The following WDFY4 variants were observed in gnomAD, a reference collection of about 807,000 sequenced individuals.
WDFY4 encodes the protein WDFY family member 4.
A neutral mutation model predicts 351.9 loss-of-function variants in WDFY4; 169 were observed. That is an observed-to-expected ratio of 0.48 (90% CI 0.42 to 0.55). The LOEUF (loss-of-function observed/expected upper bound fraction) is 0.55. Ranked by LOEUF, WDFY4 falls within the 20% of genes least tolerant of loss-of-function variation. The probability of loss-of-function intolerance (pLI) is 0.00; values close to 1 mark genes in which losing one functional copy is unlikely to be tolerated. For synonymous variants in WDFY4, 1,622 were observed against 1,574.6 expected (o/e 1.03, Z -0.71); for missense variants, 3,803 against 3,935.6 (o/e 0.97, Z 0.90).
In WDFY4 at chr10:48,966,413, A is replaced by G. The variant is rs1190593501; in HGVS notation, c.8437-113A>G. The G allele has an allele frequency of 1.2e-5, 15 of 1,206,246 alleles. No homozygotes were observed. In the African/African-American group the frequency reaches 1.5e-4, roughly 12 times the overall value. The allele number at this position is 1,206,246 out of a possible 1,614,324, so 74.7% of individuals were successfully genotyped here. On this transcript the variant is annotated intron_variant, in intron 54 of 61. Transcript: ENST00000325239. Reference sequence around the variant, plus strand: ...CTGTTCATGTTCAGCTCTGTCAGGAACAAGCCGAGCTGTGGCAACCCCCAG... The same window carrying G: ...CTGTTCATGTTCAGCTCTGTCAGGAGCAAGCCGAGCTGTGGCAACCCCCAG...
At chr10:48,757,121 G>T (rs1161164164) in intron 12 of WDFY4, among the ~76,000 whole-genome samples, 1 of 152,092 alleles carries the variant, frequency 6.6e-6, no homozygotes, top group East Asian at 1.9e-4. Context: ...AGCTATAAAT[G>T]ATTTAGGCAA....
At chr10:48,862,483 C>A (rs1382370296) in intron 39 of WDFY4, among the ~76,000 whole-genome samples, 17 of 152,146 alleles carry the variant, frequency 1.1e-4, no homozygotes, top group Non-Finnish European at 4.4e-5. Flanking sequence ...AGGTTGTGTT[C>A]TCCTTATGAG....
chr10:48,838,467 C>T (rs1489820424), intron 39 of WDFY4, among the ~76,000 whole-genome samples: 3 of 152,132 alleles, frequency 2.0e-5, no homozygotes, highest in Admixed American at 6.5e-5. Context: ...GCCAGTAACT[C>T]AGTGACAGCT....
chr10:48,774,458 C>G lies in WDFY4; in HGVS notation c.2554C>G (p.Leu852Val), dbSNP rs1413387579. The change falls in exon 14 of 62, where the codon CTT becomes GTT. Residue 852 changes from leucine (L) to valine (V), a missense_variant and splice_region_variant. Around this residue, in one of 3 missense-constraint regions of WDFY4, gnomAD observed 3,054 missense variants for 3,148.6 expected, o/e 0.97. Coordinates refer to ENST00000325239, the MANE Select transcript of WDFY4 (RefSeq NM_001394531.1). ...CACAGCTTGCTTTGGTCACTCTTAG[C>G]TTTCCGAGGAGATCCAGTGCTCCCT... ...PRLYHEDHPQ[L>V]SEEIQCSLAS... 6.4e-7 allele frequency: 1 copy of G among 1,551,736 alleles called. No individual in the cohort carries two copies. Among genetic ancestry groups the G allele is most frequent in the Admixed American group, 2.0e-5 (1 of 51,018 alleles).
At chr10:48,790,950 C>T (rs1445141100) in intron 23 of WDFY4, 33 bp downstream of exon 23, 7 of 1,548,588 alleles carry the variant, frequency 4.5e-6, no homozygotes, top group South Asian at 1.2e-5. Context: ...AACTGAGACT[C>T]CTGAAAGGGC....
chr10:48,924,501 C>T (rs1839404011), intron 47 of WDFY4, among the ~76,000 whole-genome samples: 1 of 152,222 alleles, frequency 6.6e-6, no homozygotes, highest in African/African-American at 2.4e-5. Flanking sequence ...GGCGAATAGA[C>T]AGACGAATGG....
chr10:48,867,535 A>G (rs1295888956), intron 40 of WDFY4, among the ~76,000 whole-genome samples, 193 bp downstream of exon 40: 2 of 152,192 alleles, frequency 1.3e-5, no homozygotes, highest in Non-Finnish European at 2.9e-5. Flanking sequence ...TAAAGTACCT[A>G]TCTAGGCCTG....
At chr10:48,761,050 T>C (rs573579212) in intron 13 of WDFY4, among the ~76,000 whole-genome samples, 1 of 152,234 alleles carries the variant, frequency 6.6e-6, no homozygotes, top group East Asian at 1.9e-4. Flanking sequence ...CAGGAACAGA[T>C]CTCATTAAAT....
At chr10:48,730,923 G>C (rs1479069682) in intron 8 of WDFY4, among the ~76,000 whole-genome samples, 187 bp from the exon 9 acceptor site, 2 of 152,270 alleles carry the variant, frequency 1.3e-5, no homozygotes, top group East Asian at 3.9e-4. Flanking sequence ...GTGCATCTTG[G>C]ACCATGCTGC....
intron 4 of WDFY4, among the ~76,000 whole-genome samples, chr10:48,722,518 C>T (rs749275366): frequency 3.9e-5 from 6 of 152,320 alleles, no homozygotes; most frequent in Middle Eastern, 3.4e-3. Context: ...GCATCTAGTC[C>T]TGATCCTGGC....
At chr10:48,870,421 C>G (rs868807559) in intron 40 of WDFY4, among the ~76,000 whole-genome samples, 1 of 152,070 alleles carries the variant, frequency 6.6e-6, no homozygotes, top group East Asian at 1.9e-4. Context: ...ACCTTTAGTT[C>G]TAGGTACTCA....
At chr10:48,838,112 G>C (rs966714189) in intron 39 of WDFY4, among the ~76,000 whole-genome samples, 1 of 152,228 alleles carries the variant, frequency 6.6e-6, no homozygotes, top group Admixed American at 6.5e-5. Context: ...TTAACAGAAT[G>C]GGATGAGAGG....
intron 21 of WDFY4, among the ~76,000 whole-genome samples, chr10:48,789,191 CAACA>C (rs1297617755): frequency 2.6e-5 from 4 of 151,852 alleles, no homozygotes; most frequent in African/African-American, 9.7e-5. Context: ...GTGATTAAAA[CAACA>C]AACAAACAAA....
At chr10:48,913,550 C>G in intron 47 of WDFY4, 3 of 1,614,156 alleles carry the variant, frequency 1.9e-6, no homozygotes, top group Non-Finnish European at 2.5e-6. Context: ...GATCCTTCTC[C>G]TCCACAACAT....
intron 4 of WDFY4, among the ~76,000 whole-genome samples, chr10:48,723,102 A>G (rs185641778): frequency 2.0e-5 from 3 of 151,904 alleles, no homozygotes; most frequent in Admixed American, 6.5e-5. Context: ...GGAAGCCCTT[A>G]TGTTCTAATT....
At chr10:48,967,093 TG>T (rs1420997750) in intron 55 of WDFY4, 1 of 160,724 alleles carries the variant, frequency 6.2e-6, no homozygotes, top group Non-Finnish European at 1.3e-5. Flanking sequence ...CTTTGGCCAC[TG>T]GTCCTCCTAA....
chr10:48,909,128 T>C (rs973279641), intron 47 of WDFY4, among the ~76,000 whole-genome samples: 2 of 152,222 alleles, frequency 1.3e-5, no homozygotes, highest in Non-Finnish European at 2.9e-5. Context: ...CTGAGTAGTA[T>C]TCCATGATAG....
chr10:48,876,737 G>A lies in WDFY4; in HGVS notation c.7001-296G>A, dbSNP rs555257879. Among the ~76,000 whole-genome samples, 307 of 152,316 alleles carry A rather than the reference G, an allele frequency of 2.0e-3. 1 individual carries two copies. Among genetic ancestry groups the A allele is most frequent in the Non-Finnish European group, 3.7e-3 (252 of 68,032 alleles). ...GGAGTTGCTTTACTGACTAACGAGG[G>A]TGAATTTGGAAATGTTGCCCTGTGG... On this transcript the variant is annotated intron_variant, in intron 42 of 61. Transcript: ENST00000325239.
intron 1 of WDFY4, among the ~76,000 whole-genome samples, chr10:48,708,742 G>T (rs940588943): frequency 6.6e-6 from 1 of 152,112 alleles, no homozygotes; most frequent in Non-Finnish European, 1.5e-5. Context: ...TGCAAACACT[G>T]CTCCTGTGTG....
Sources: gnomAD v4.1 joint callset for allele counts (sites outside exome capture counted in the v4.1 genomes callset) on GRCh38, gnomAD v4.1.1 for gene constraint, gnomAD v4.1.1 regional missense constraint, MANE v1.5 for transcripts, NCBI Gene and HGNC (gene_info 2026-07-23, HGNC 2026-07-21) for gene names.